The following EDARADD variants were observed in gnomAD, a reference collection of about 807,000 sequenced individuals.
EDARADD encodes EDAR associated via death domain.
Under a neutral mutation model 25.6 loss-of-function variants are expected in EDARADD, and 20 were observed. The ratio of observed to expected loss-of-function variants is 0.78; its 90% CI spans 0.55 to 1.14. The LOEUF (loss-of-function observed/expected upper bound fraction) is 1.14. Among genes scored for constraint, EDARADD ranks in the 50% most tolerant of loss-of-function variants. EDARADD has a pLI of 0.00. For synonymous variants in EDARADD, 86 were observed against 94.4 expected, an observed-to-expected ratio of 0.91 and a Z score of 0.52; for missense variants, 225 against 270.1, an observed-to-expected ratio of 0.83 and a Z score of 1.17.
At chr1:236,367,565 A>T (rs757784117) in intron 3 of EDARADD, among the ~76,000 whole-genome samples, 1 of 152,010 alleles carries the variant, frequency 6.6e-6, no homozygotes, top group Non-Finnish European at 1.5e-5. Context: ...AGGTCTCACT[A>T]TGTTGCTCAG....
rs183549747 is a variant in EDARADD, at chr1:236,368,533, C to T, written c.-6+17694C>T. Among the ~76,000 whole-genome samples, 943 of 151,436 alleles carry T rather than the reference C, an allele frequency of 6.2e-3. 10 individuals carry two copies. The highest frequency in any genetic ancestry group is 0.021 in the African/African-American group (884 of 41,162). ...TCAGCTCACTGCAACCTCTGCCTCC[C>T]GGGTTCAAGCGATTCTCCTGCCTCA... On this transcript the variant is annotated intron_variant, in intron 3 of 7. Transcript: ENST00000439430.
intron 3 of EDARADD, among the ~76,000 whole-genome samples, chr1:236,379,668 A>G (rs1191168783): frequency 7.9e-5 from 12 of 151,870 alleles, no homozygotes; most frequent in Non-Finnish European, 4.4e-5. Context: ...AATCCCAGCT[A>G]CTTGGGAGGC....
In EDARADD at chr1:236,403,231, C is replaced by T. The variant is rs1423239202; in HGVS notation, c.62-5985C>T. On this transcript the variant is annotated intron_variant, in intron 1 of 5. Transcript: ENST00000334232. ...TTGGCCTCCCAAAGTGCTGGGATTA[C>T]GGGCGTGAGCCACCTGTTCGAACTT... 3.9e-5 allele frequency among the ~76,000 whole-genome samples: 6 copies of T among 152,110 alleles called. 1 individual carries two copies. The highest frequency in any genetic ancestry group is 1.9e-4 in the East Asian group (1 of 5,192).
intron 3 of EDARADD, among the ~76,000 whole-genome samples, chr1:236,369,601 G>T (rs1166822087): frequency 6.6e-6 from 1 of 152,126 alleles, no homozygotes; most frequent in East Asian, 1.9e-4. Context: ...CAGCACTTTG[G>T]GGGGCCGAGG....
chr1:236,479,933 C>A (rs976300730), intron 5 of EDARADD, among the ~76,000 whole-genome samples: 3 of 150,906 alleles, frequency 2.0e-5, no homozygotes, highest in African/African-American at 7.3e-5. Context: ...CTAGTCCCAG[C>A]TGCTTGGGAG....
intron 4 of EDARADD, among the ~76,000 whole-genome samples, chr1:236,466,516 T>A (rs1180203908): frequency 1.3e-5 from 2 of 151,864 alleles, no homozygotes; most frequent in Non-Finnish European, 2.9e-5. Flanking sequence ...AAACTTCAAC[T>A]AAATGAAAAG....
chr1:236,482,477 G>T lies in EDARADD; in HGVS notation c.476G>T (p.Arg159Met). The change falls in exon 6 of 6, where the codon AGG becomes ATG. Residue 159 changes from arginine to methionine, a missense_variant. Coordinates refer to ENST00000334232, the MANE Select transcript of EDARADD (RefSeq NM_145861.4). ...GACGAATTGTGCTTCCTGGAGCAGAGGCCACAGAGCCCCACCTTGGAGTTC... is the reference window on the plus strand; with the variant it reads ...GACGAATTGTGCTTCCTGGAGCAGATGCCACAGAGCCCCACCTTGGAGTTC... Reference protein sequence around the residue: ...SYDELCFLEQRPQSPTLEFLL... With the variant: ...SYDELCFLEQMPQSPTLEFLL... 1.2e-6 allele frequency: 2 copies of T among 1,613,984 alleles called. No individual in the cohort carries two copies. The highest frequency in any genetic ancestry group is 1.7e-6 in the Non-Finnish European group (2 of 1,179,938).
At chr1:236,428,266 T>G (rs1657981193) in intron 4 of EDARADD, among the ~76,000 whole-genome samples, 1 of 152,208 alleles carries the variant, frequency 6.6e-6, no homozygotes, top group South Asian at 2.1e-4. Flanking sequence ...ACAGCACATG[T>G]TTCAGAGAGC....
intron 4 of EDARADD, among the ~76,000 whole-genome samples, chr1:236,430,249 G>A (rs1342726181): frequency 6.6e-6 from 1 of 152,088 alleles, no homozygotes; most frequent in African/African-American, 2.4e-5. Context: ...CTAATAATGG[G>A]CTTCTGTGCT....
intron 3 of EDARADD, among the ~76,000 whole-genome samples, chr1:236,353,508 T>C (rs1195807924): frequency 1.3e-4 from 19 of 151,882 alleles, no homozygotes; most frequent in Admixed American, 1.2e-3. Flanking sequence ...GGTGAAACCC[T>C]GTCTCTACTA....
chr1:236,430,302 GTTC>G (rs1286763806), intron 4 of EDARADD, among the ~76,000 whole-genome samples: 3 of 152,144 alleles, frequency 2.0e-5, no homozygotes, highest in African/African-American at 4.8e-5. Context: ...GTATAAATTT[GTTC>G]TTCTCATAAT....
At position 236,484,300 on chromosome 1, in the gene EDARADD, C is replaced by A; in HGVS notation, c.*1651C>A. On this transcript the variant is annotated 3_prime_UTR_variant, in exon 6 of 6. Transcript: ENST00000334232. The surrounding 1 kb of genome is among the most constrained non-coding windows in gnomAD (Gnocchi z 4.1). ...CATCATTCTGGGGAGACTGAAAATA[C>A]CTTCATCACTGACCTGGTGGTGGGG... 2 of 1,091,750 alleles carry A rather than the reference C, an allele frequency of 1.8e-6. No homozygotes were observed. Among genetic ancestry groups the A allele is most frequent in the Admixed American group, 3.4e-5 (2 of 58,810 alleles). The allele number at this position is 1,091,750 out of a possible 1,614,324, so 67.6% of individuals were successfully genotyped here. A position where few individuals can be genotyped will look rare whatever the true frequency, so the allele number is the denominator to read the frequency against.
intron 3 of EDARADD, among the ~76,000 whole-genome samples, chr1:236,351,480 G>GA (rs1170444770): frequency 3.3e-5 from 5 of 152,108 alleles, no homozygotes; most frequent in African/African-American, 1.2e-4. Context: ...AGCACTTTGG[G>GA]AGGCCAAGGC....
chr1:236,483,985 A>C lies in EDARADD; in HGVS notation c.*1336A>C. 7.2e-7 allele frequency: 1 copy of C among 1,383,722 alleles called. No individual in the cohort carries two copies. Among genetic ancestry groups the C allele is most frequent in the Non-Finnish European group, 1.0e-6 (1 of 972,290 alleles). The allele number at this position is 1,383,722 out of a possible 1,614,324, so 85.7% of individuals were successfully genotyped here. A position where few individuals can be genotyped will look rare whatever the true frequency, so the allele number is the denominator to read the frequency against. On this transcript the variant is annotated 3_prime_UTR_variant, in exon 6 of 6. Coordinates refer to ENST00000334232, the MANE Select transcript of EDARADD (RefSeq NM_145861.4). Reference sequence around the variant, plus strand: ...GACCCCACCAGGTACATCTCACCTGACTGTCTGGCTGACCTGTACAAGTCC... The same window carrying C: ...GACCCCACCAGGTACATCTCACCTGCCTGTCTGGCTGACCTGTACAAGTCC...
At position 236,451,309 on chromosome 1, in the gene EDARADD, T is replaced by C. The variant is rs376842397; in HGVS notation, c.220-16922T>C. ...CTCCTCGGTAAAATGGACATCTTAATACTGATCTCCTAGCACACAGTAAGT... is the reference window on the plus strand; with the variant it reads ...CTCCTCGGTAAAATGGACATCTTAACACTGATCTCCTAGCACACAGTAAGT... On this transcript the variant is annotated intron_variant, in intron 4 of 5. Coordinates refer to ENST00000334232, the MANE Select transcript of EDARADD (RefSeq NM_145861.4). Among the ~76,000 whole-genome samples, 22 of 152,356 alleles carry C rather than the reference T, an allele frequency of 1.4e-4. No homozygotes were observed. The East Asian group carries it at 1.7e-3, about 12-fold the overall frequency.
chr1:236,468,487 G>C (rs1384834679), intron 5 of EDARADD, among the ~76,000 whole-genome samples: 1 of 152,142 alleles, frequency 6.6e-6, no homozygotes, highest in African/African-American at 2.4e-5. Context: ...AGCTGGTTGT[G>C]GTGGGCGCCT....
intron 5 of EDARADD, among the ~76,000 whole-genome samples, chr1:236,478,490 G>GTA (rs527751174): frequency 1.0e-3 from 151 of 150,526 alleles, no homozygotes; most frequent in African/African-American, 3.2e-3. Context: ...GTGTATATAT[G>GTA]TATATATATA....
intron 3 of EDARADD, among the ~76,000 whole-genome samples, chr1:236,363,002 AAAAAATATATATAT>A (rs1448124181): frequency 5.2e-5 from 3 of 58,214 alleles, no homozygotes; most frequent in South Asian, 6.8e-4. Context: ...AAAAAAAAAA[AAAAAATATATATAT>A]ATATATATAT....
At chr1:236,379,285 G>A (rs190368489) in intron 3 of EDARADD, among the ~76,000 whole-genome samples, 18 of 151,506 alleles carry the variant, frequency 1.2e-4, no homozygotes, top group East Asian at 3.9e-4. Flanking sequence ...CAGGAGAATC[G>A]CTTGAACCTG....
Sources: gnomAD v4.1 joint callset for allele counts (sites outside exome capture counted in the v4.1 genomes callset) on GRCh38, gnomAD v4.1.1 for gene constraint, Gnocchi (gnomAD v3.1) non-coding constraint, MANE v1.5 for transcripts, NCBI Gene and HGNC (gene_info 2026-07-23, HGNC 2026-07-21) for gene names.